The following ETFA variants were observed in gnomAD, a reference collection of about 807,000 sequenced individuals.
The protein encoded by ETFA is electron transfer flavoprotein subunit alpha, mitochondrial.
ETFA carries 22 observed loss-of-function variants against 46.2 expected under a neutral mutation model. That is an observed-to-expected ratio of 0.48 (90% CI 0.34 to 0.68). The LOEUF (loss-of-function observed/expected upper bound fraction) is 0.68. Among genes scored for constraint, ETFA ranks in the 30% least tolerant of loss-of-function variants. The pLI, the probability that ETFA is intolerant of heterozygous loss-of-function variation, is 0.01. For synonymous variants in ETFA, 131 were observed against 139.9 expected, an observed-to-expected ratio of 0.94 and a Z score of 0.45; for missense variants, 345 against 401.1, an observed-to-expected ratio of 0.86 and a Z score of 1.19.
chr15:76,298,412 GA>G (rs2039848089), intron 1 of ETFA, among the ~76,000 whole-genome samples: 1 of 152,164 alleles, frequency 6.6e-6, no homozygotes, highest in South Asian at 2.1e-4. Flanking sequence ...CACCACATGG[GA>G]TAAGGTAGGG....
At chr15:76,248,457 A>G (rs766329686) in intron 9 of ETFA, among the ~76,000 whole-genome samples, 25 of 152,250 alleles carry the variant, frequency 1.6e-4, no homozygotes, top group Non-Finnish European at 2.1e-4. Context: ...ATACAGGTGA[A>G]TATCTTTACA....
intron 9 of ETFA, among the ~76,000 whole-genome samples, chr15:76,265,446 A>G (rs1026425643): frequency 2.6e-5 from 4 of 152,236 alleles, no homozygotes; most frequent in African/African-American, 9.6e-5. Context: ...GGGTTAATCA[A>G]GTGTCTGATA....
At chr15:76,232,249 C>T (rs543683175) in intron 9 of ETFA, among the ~76,000 whole-genome samples, 2 of 152,318 alleles carry the variant, frequency 1.3e-5, no homozygotes, top group East Asian at 1.9e-4. Flanking sequence ...AATAAAAACA[C>T]ACTTCCATTA....
intron 9 of ETFA, among the ~76,000 whole-genome samples, chr15:76,269,321 G>T (rs2039505057): frequency 1.3e-5 from 2 of 152,174 alleles, no homozygotes; most frequent in South Asian, 4.1e-4. Flanking sequence ...TATGTCTGGG[G>T]TCCAGGGTCT....
chr15:76,219,194 T>C (rs1443494189), intron 11 of ETFA, among the ~76,000 whole-genome samples: 1 of 152,162 alleles, frequency 6.6e-6, no homozygotes, highest in East Asian at 1.9e-4. Flanking sequence ...GAAAGATAAG[T>C]AGTTTGCCAA....
At chr15:76,225,581 G>A (rs1201102970) in intron 11 of ETFA, among the ~76,000 whole-genome samples, 3 of 152,116 alleles carry the variant, frequency 2.0e-5, no homozygotes, top group African/African-American at 7.2e-5. Flanking sequence ...GAGCCACCAC[G>A]CCCGGCCGCC....
chr15:76,283,542 C>T (rs2039675280), intron 8 of ETFA, among the ~76,000 whole-genome samples: 2 of 152,076 alleles, frequency 1.3e-5, no homozygotes, highest in African/African-American at 4.8e-5. Context: ...TAAGATTAGG[C>T]AAAGGTAAGA....
At chr15:76,306,267 C>T (rs373557190) in intron 1 of ETFA, among the ~76,000 whole-genome samples, 15 of 109,470 alleles carry the variant, frequency 1.4e-4, no homozygotes, top group South Asian at 3.9e-4. Context: ...TTTTTTGCTT[C>T]TTTTTTTTTT....
chr15:76,267,343 G>A (rs975435443), intron 9 of ETFA, among the ~76,000 whole-genome samples: 3 of 152,214 alleles, frequency 2.0e-5, no homozygotes, highest in African/African-American at 7.2e-5. Context: ...AATGGGATAT[G>A]ATCCAAATCA....
chr15:76,258,921 C>G, intron 9 of ETFA: 5 of 1,126,992 alleles, frequency 4.4e-6, no homozygotes, highest in Non-Finnish European at 6.6e-6. Context: ...TCAGACAGGG[C>G]TTTGTCAGCC....
At chr15:76,257,550 A>G (rs2039357240) in intron 9 of ETFA, among the ~76,000 whole-genome samples, 1 of 152,174 alleles carries the variant, frequency 6.6e-6, no homozygotes, top group Non-Finnish European at 1.5e-5. Context: ...AGAAAGAGGA[A>G]CACTTTTACA....
At chr15:76,260,022 A>G (rs914646616) in intron 9 of ETFA, 1 of 1,480,908 alleles carries the variant, frequency 6.8e-7, no homozygotes, top group Non-Finnish European at 9.4e-7. Flanking sequence ...GGAACTCTTC[A>G]ATGTCACTTG....
At chr15:76,299,633 T>C (rs376927295) in intron 1 of ETFA, among the ~76,000 whole-genome samples, 6 of 152,134 alleles carry the variant, frequency 3.9e-5, no homozygotes, top group African/African-American at 1.4e-4. Context: ...TCTTAGAAGG[T>C]AGCCTCACCT....
intron 9 of ETFA, among the ~76,000 whole-genome samples, chr15:76,234,587 G>C (rs1199234442): frequency 2.6e-5 from 4 of 152,128 alleles, no homozygotes; most frequent in African/African-American, 9.7e-5. Flanking sequence ...GGGGATTAAA[G>C]GAACCAACAG....
chr15:76,273,775 C>T (rs953938234), intron 9 of ETFA, among the ~76,000 whole-genome samples: 2 of 152,058 alleles, frequency 1.3e-5, no homozygotes, highest in Non-Finnish European at 2.9e-5. Context: ...CTGGCTGAGA[C>T]TCCTATTCAC....
At chr15:76,276,697 T>C (rs1413596458) in intron 8 of ETFA, among the ~76,000 whole-genome samples, 1 of 152,212 alleles carries the variant, frequency 6.6e-6, no homozygotes, top group South Asian at 2.1e-4. Context: ...TACTGAGATA[T>C]CCTAAAGCTC....
chr15:76,255,103 G>C (rs2039335960), intron 9 of ETFA, among the ~76,000 whole-genome samples: 1 of 152,064 alleles, frequency 6.6e-6, no homozygotes, highest in African/African-American at 2.4e-5. Context: ...CATGTCTAAA[G>C]ATGCTGAAAA....
At chr15:76,309,161 T>C (rs1361548041) in intron 1 of ETFA, among the ~76,000 whole-genome samples, 1 of 152,162 alleles carries the variant, frequency 6.6e-6, no homozygotes, top group Non-Finnish European at 1.5e-5. Flanking sequence ...TTAAAACAGC[T>C]ATTCTAGGCT....
intron 8 of ETFA, among the ~76,000 whole-genome samples, chr15:76,279,121 A>G (rs2039623664): frequency 6.6e-6 from 1 of 151,984 alleles, no homozygotes; most frequent in African/African-American, 2.4e-5. Flanking sequence ...ATCCCTCAAA[A>G]AGTTATCTGT....
Sources: gnomAD v4.1 joint callset for allele counts (sites outside exome capture counted in the v4.1 genomes callset) on GRCh38, gnomAD v4.1.1 for gene constraint, MANE v1.5 for transcripts, NCBI Gene and HGNC (gene_info 2026-07-23, HGNC 2026-07-21) for gene names.